Variants in EMB observed in about 807,000 individuals in gnomAD.
EMB encodes embigin.
Under a neutral mutation model 41.4 loss-of-function variants are expected in EMB, and 31 were observed. The ratio of observed to expected loss-of-function variants is 0.75; its 90% CI spans 0.56 to 1.01. The LOEUF is 1.01. Among genes scored for constraint, EMB ranks in the 50% least tolerant of loss-of-function variants. The pLI is 0.00. For missense variants in EMB, 379 were observed against 388.3 expected (o/e 0.98, Z 0.20); for synonymous variants, 137 against 140.4 (o/e 0.98, Z 0.17).
chr5:50,443,041 GAA>G (rs1745940131), upstream of EMB: 1 of 151,232 alleles, frequency 6.6e-6, no homozygotes, highest in African/African-American at 2.5e-5. Context: ...TAAGCATTTT[GAA>G]AGTCTTTTCA....
At chr5:50,417,335 TATGA>T (rs1745445623) in intron 2 of EMB, among the ~76,000 whole-genome samples, 1 of 152,230 alleles carries the variant, frequency 6.6e-6, no homozygotes, top group East Asian at 1.9e-4. Context: ...GGAGTTAACT[TATGA>T]ATAAGAATAA....
At chr5:50,422,027 C>G (rs1745533094) in intron 2 of EMB, among the ~76,000 whole-genome samples, 1 of 151,524 alleles carries the variant, frequency 6.6e-6, no homozygotes, top group Non-Finnish European at 1.5e-5. Flanking sequence ...CACATGTACC[C>G]TAAAACTTAA....
intron 2 of EMB, among the ~76,000 whole-genome samples, chr5:50,421,190 C>A (rs573522043): frequency 6.6e-6 from 1 of 152,220 alleles, no homozygotes; most frequent in African/African-American, 2.4e-5. Flanking sequence ...GTATTTTTTA[C>A]AGAACCCAAT....
chr5:50,403,998 A>G (rs555067776), intron 5 of EMB, among the ~76,000 whole-genome samples: 1 of 151,992 alleles, frequency 6.6e-6, no homozygotes, highest in East Asian at 1.9e-4. Context: ...TGAGCCTGGG[A>G]TCCGAAGTGA....
chr5:50,416,106 A>T (rs1241516524), intron 2 of EMB, among the ~76,000 whole-genome samples: 2 of 152,174 alleles, frequency 1.3e-5, no homozygotes, highest in Non-Finnish European at 2.9e-5. Flanking sequence ...AAGAAATCAC[A>T]GCATCAAAAA....
chr5:50,418,668 C>T (rs771804984), intron 2 of EMB, among the ~76,000 whole-genome samples: 1 of 152,256 alleles, frequency 6.6e-6, no homozygotes, highest in Non-Finnish European at 1.5e-5. Context: ...ATATCACGTG[C>T]CTTTATTCTA....
In EMB at chr5:50,403,310, G is replaced by A; in HGVS notation, c.745C>T (p.His249Tyr). Reference sequence around the variant, plus strand: ...TAGCTCAGCACCACAAGCTCAATGTGTTCTTCACTCTCGCCTAATTGGAAT... The same window carrying A: ...TAGCTCAGCACCACAAGCTCAATGTATTCTTCACTCTCGCCTAATTGGAAT... ...ALFQLGESEE[H>Y]IELVVLSYLV... Residue 249 changes from histidine to tyrosine, a missense_variant, in exon 6 of 9, where the codon CAC (histidine) becomes TAC (tyrosine). By Grantham distance (83) the His-to-Tyr change is moderately conservative. Coordinates refer to ENST00000303221, the MANE Select transcript of EMB (RefSeq NM_198449.3). 6.2e-7 allele frequency: 1 copy of A among 1,612,822 alleles called. No homozygotes were observed. The highest frequency in any genetic ancestry group is 8.5e-7 in the Non-Finnish European group (1 of 1,179,266).
At chr5:50,434,215 A>G (rs529345362) in intron 1 of EMB, among the ~76,000 whole-genome samples, 126 of 152,312 alleles carry the variant, frequency 8.3e-4, no homozygotes, top group African/African-American at 3.0e-3. Context: ...ACATTTTAGG[A>G]TAACAGCTTG....
chr5:50,408,049 G>C (rs1745276105), intron 4 of EMB, among the ~76,000 whole-genome samples: 2 of 151,836 alleles, frequency 1.3e-5, no homozygotes, highest in Admixed American at 6.6e-5. Context: ...TTCAACACTG[G>C]GATCCAGGGC....
intron 2 of EMB, among the ~76,000 whole-genome samples, chr5:50,427,494 T>C (rs184164162): frequency 1.3e-5 from 2 of 150,578 alleles, no homozygotes; most frequent in African/African-American, 4.9e-5. Context: ...GAAGACATTA[T>C]TATTATTATT....
chr5:50,436,932 T>C lies in EMB; in HGVS notation c.112+4108A>G, dbSNP rs184260695. 1.8e-3 allele frequency among the ~76,000 whole-genome samples: 272 copies of C among 152,328 alleles called. 1 individual carries two copies. Among genetic ancestry groups the C allele is most frequent in the Admixed American group, 3.1e-3 (48 of 15,304 alleles). ...TCAACATATAATTTTTTTGTGATGATAAATTTAGGGTAAAAATGGTCATGC... is the reference window on the plus strand; with the variant it reads ...TCAACATATAATTTTTTTGTGATGACAAATTTAGGGTAAAAATGGTCATGC... On this transcript the variant is annotated intron_variant, in intron 1 of 8. Transcript: ENST00000303221.
intron 7 of EMB, among the ~76,000 whole-genome samples, chr5:50,401,358 A>C (rs1370255162): frequency 6.6e-6 from 1 of 152,040 alleles, no homozygotes; most frequent in Non-Finnish European, 1.5e-5. Flanking sequence ...CACTCCTGCT[A>C]TCCATGCCTG....
rs762837312 is a variant in EMB, at chr5:50,441,062, G to C, written c.90C>G (p.Ser30Arg). ...CACCTGGGGCACTGCCGTCCGCCGAGCTTGGGCGCGCGGCAGCGAGAAGGC... is the reference window on the plus strand; with the variant it reads ...CACCTGGGGCACTGCCGTCCGCCGACCTTGGGCGCGCGGCAGCGAGAAGGC... Reference protein sequence around the residue: ...LQCLLAAARPSSADGSAPDSP... With the variant: ...LQCLLAAARPRSADGSAPDSP... Residue 30 changes from serine (S) to arginine (R), a missense_variant, in exon 1 of 9, where the codon AGC (serine) becomes AGG (arginine). Transcript: ENST00000303221. 2 of 1,511,412 alleles carry C rather than the reference G, an allele frequency of 1.3e-6. No individual in the cohort carries two copies. Among genetic ancestry groups the C allele is most frequent in the African/African-American group, 1.4e-5 (1 of 70,164 alleles). The allele number at this position is 1,511,412 out of a possible 1,614,324, so 93.6% of individuals were successfully genotyped here. A position where few individuals can be genotyped will look rare whatever the true frequency, so the allele number is the denominator to read the frequency against.
chr5:50,420,248 C>G (rs779767089), intron 2 of EMB, among the ~76,000 whole-genome samples: 1 of 152,160 alleles, frequency 6.6e-6, no homozygotes, highest in Non-Finnish European at 1.5e-5. Context: ...TCTCAGCACA[C>G]ACCAGATCAA....
chr5:50,437,252 C>A (rs1745819073), intron 1 of EMB, among the ~76,000 whole-genome samples: 1 of 152,094 alleles, frequency 6.6e-6, no homozygotes. Context: ...GCCTGAGTGA[C>A]AGAGTGAGAC....
chr5:50,412,043 GGATT>G (rs1385912072), intron 2 of EMB: 8 of 151,860 alleles, frequency 5.3e-5, no homozygotes, highest in African/African-American at 1.2e-4. Context: ...TATTTATTTT[GGATT>G]GATTGATTAT....
At chr5:50,409,394 GAA>G (rs1213698436) in intron 4 of EMB, among the ~76,000 whole-genome samples, 1 of 151,940 alleles carries the variant, frequency 6.6e-6, no homozygotes, top group South Asian at 2.1e-4. Context: ...GAAAAAAAAA[GAA>G]AAAAGTGTTT....
At chr5:50,399,479 T>C (rs1745123400) in intron 8 of EMB, among the ~76,000 whole-genome samples, 189 bp from the exon 9 acceptor site, 1 of 151,988 alleles carries the variant, frequency 6.6e-6, no homozygotes, top group Non-Finnish European at 1.5e-5. Flanking sequence ...AGTTAGCTTA[T>C]ATGCATAAGT....
chr5:50,414,826 G>A (rs1745402907), intron 2 of EMB, among the ~76,000 whole-genome samples: 1 of 152,060 alleles, frequency 6.6e-6, no homozygotes, highest in African/African-American at 2.4e-5. Context: ...CACTATCCTA[G>A]TATATTTTAA....
Sources: gnomAD v4.1 joint callset for allele counts (sites outside exome capture counted in the v4.1 genomes callset) on GRCh38, gnomAD v4.1.1 for gene constraint, MANE v1.5 for transcripts, NCBI Gene and HGNC (gene_info 2026-07-23, HGNC 2026-07-21) for gene names.